DNAH11: variants seen among roughly 807,000 people sequenced by gnomAD.
The protein encoded by DNAH11 is dynein axonemal heavy chain 11.
A neutral mutation model predicts 526.0 loss-of-function variants in DNAH11; 442 were observed. That is an observed-to-expected ratio of 0.84 (90% CI 0.78 to 0.91). The LOEUF (loss-of-function observed/expected upper bound fraction) is 0.91, where lower values mean the gene tolerates loss of function less well. Ranked by LOEUF, DNAH11 falls within the 40% of genes least tolerant of loss-of-function variation. The probability of loss-of-function intolerance (pLI) is 0.00; values close to 1 mark genes in which losing one functional copy is unlikely to be tolerated. For missense variants in DNAH11, 6,989 were observed against 5,448.7 expected, an observed-to-expected ratio of 1.28 and a Z score of -8.90; for synonymous variants, 2,461 against 1,935.9, an observed-to-expected ratio of 1.27 and a Z score of -7.12.
intron 65 of DNAH11, among the ~76,000 whole-genome samples, chr7:21,820,084 GT>G (rs1790184538): frequency 6.6e-6 from 1 of 152,282 alleles, no homozygotes; most frequent in Admixed American, 6.5e-5. Context: ...ATCATCAGCT[GT>G]TCCTCCTTCC....
rs1194973021 is a variant in DNAH11, at chr7:21,852,113, A to G, written c.10897-354A>G. On this transcript the variant is annotated intron_variant, in intron 66 of 81. Transcript: ENST00000409508. ...TGATTAAGGAAACTCTGGTTTAAAA[A>G]CATTTACTTGTCCAGGCGCAGTGGC... is the stretch of plus-strand genomic sequence containing the variant. Among the ~76,000 whole-genome samples the G allele has an allele frequency of 2.6e-5, 4 of 152,270 alleles. 1 individual carries two copies. The highest frequency in any genetic ancestry group is 9.6e-5 in the African/African-American group (4 of 41,548).
chr7:21,875,877 C>CTTT (rs35349937), intron 74 of DNAH11, among the ~76,000 whole-genome samples: 1,059 of 78,938 alleles, frequency 0.013, 69 homozygotes, highest in African/African-American at 0.037. Context: ...AAGAATATTT[C>CTTT]TTTTTTTTTT....
intron 20 of DNAH11, among the ~76,000 whole-genome samples, chr7:21,609,798 T>C (rs762957003): frequency 5.3e-5 from 8 of 151,996 alleles, no homozygotes; most frequent in Non-Finnish European, 7.4e-5. Flanking sequence ...AATGGAAATA[T>C]CAGAAGTCTA....
At chr7:21,818,192 A>G (rs1241070247) in intron 64 of DNAH11, 25 bp from the exon 65 acceptor site, 3 of 1,595,700 alleles carry the variant, frequency 1.9e-6, no homozygotes, top group Non-Finnish European at 2.6e-6. Context: ...ACATTTTATT[A>G]TCTCAAATCC....
intron 36 of DNAH11, among the ~76,000 whole-genome samples, chr7:21,700,498 T>C (rs1562497000): frequency 6.6e-6 from 1 of 152,206 alleles, no homozygotes; most frequent in East Asian, 1.9e-4. Flanking sequence ...CCAAAATTTC[T>C]TCTGCATCCA....
At position 21,852,473 on chromosome 7, in the gene DNAH11, T is replaced by C; in HGVS notation, c.10903T>C (p.Leu3635=). 3 of 1,613,308 alleles carry C rather than the reference T, an allele frequency of 1.9e-6. No homozygotes were observed. Among genetic ancestry groups the C allele is most frequent in the Non-Finnish European group, 1.7e-6 (2 of 1,179,598 alleles). Residue 3635 remains leucine (L), a synonymous_variant, in exon 67 of 82, where the codon TTG becomes CTG. Transcript: ENST00000409508. ...TTTTCTTGGTTTTTATTAGTTGGTA[T>C]TGACAAAGCACCAAAATGATTTTAA... is the stretch of plus-strand genomic sequence containing the variant. ...RPDLEKLKLV[L]TKHQNDFKIE... is the part of the protein sequence containing the mutation.
intron 55 of DNAH11, among the ~76,000 whole-genome samples, chr7:21,768,854 G>C (rs541721491): frequency 6.6e-6 from 1 of 152,266 alleles, no homozygotes; most frequent in South Asian, 2.1e-4. Flanking sequence ...ACAACATTTT[G>C]TCAGTGATAG....
intron 65 of DNAH11, among the ~76,000 whole-genome samples, chr7:21,819,943 A>G (rs1161306285): frequency 1.3e-5 from 2 of 152,212 alleles, no homozygotes; most frequent in African/African-American, 2.4e-5. Flanking sequence ...TTTAAGGCCA[A>G]GAAGATTAAA....
intron 37 of DNAH11, chr7:21,703,843 A>G (rs763290952): frequency 2.0e-5 from 3 of 152,072 alleles, no homozygotes; most frequent in African/African-American, 4.8e-5. Context: ...TTCTTTGCCA[A>G]TATTTCTCTC....
intron 51 of DNAH11, among the ~76,000 whole-genome samples, chr7:21,748,312 C>T (rs1786244111): frequency 6.6e-6 from 1 of 152,044 alleles, no homozygotes; most frequent in Admixed American, 6.6e-5. Context: ...AGTGAAACCC[C>T]GTCTCTACTA....
Position 21,543,110 on chromosome 7 carries a change from T to G in DNAH11, c.-136T>G, listed in dbSNP as rs72655965. On this transcript the variant is annotated 5_prime_UTR_variant, in exon 1 of 82. Coordinates refer to ENST00000409508, the MANE Select transcript of DNAH11 (RefSeq NM_001277115.2). ...GGCGCGGCTGCTAAGTAGCAGCAGG[T>G]GGGAGACTAGGGTCTGCGCTCGCGG... 6,171 of 1,419,970 alleles carry G rather than the reference T, an allele frequency of 4.3e-3. 183 individuals carry two copies. In the African/African-American group the frequency reaches 0.072, roughly 17 times the overall value. 88.0% of individuals were successfully genotyped at this position (1,419,970 alleles called of 1,614,324 possible).
At position 21,558,873 on chromosome 7, in the gene DNAH11, A is replaced by C. The variant is rs747979902; in HGVS notation, c.567A>C (p.Glu189Asp). The change falls in exon 3 of 82, where the codon GAA becomes GAC. Residue 189 changes from glutamate (E) to aspartate (D), a missense_variant. Transcript: ENST00000409508. ...SWSCFTSQDMEYHIEVMKKKM... is the reference protein window; with the variant it reads ...SWSCFTSQDMDYHIEVMKKKM... ...CCTGTTTTACTTCACAAGATATGGA[A>C]TATCACATAGAAGTCATGAAAAAGA... 2 of 1,609,460 alleles carry C rather than the reference A, an allele frequency of 1.2e-6. No homozygotes were observed. Among genetic ancestry groups the C allele is most frequent in the African/African-American group, 1.3e-5 (1 of 74,888 alleles).
At chr7:21,604,909 G>T (rs1785225269) in intron 18 of DNAH11, among the ~76,000 whole-genome samples, 4 of 152,142 alleles carry the variant, frequency 2.6e-5, no homozygotes. Context: ...TTGATGAGAA[G>T]CCACGAGAGG....
chr7:21,572,064 C>T (rs1320151753), intron 8 of DNAH11, 91 bp downstream of exon 8: 6 of 1,128,608 alleles, frequency 5.3e-6, no homozygotes, highest in Non-Finnish European at 7.0e-6. Context: ...TAGGGACCAT[C>T]CATTCCAATA....
At chr7:21,867,589 G>C (rs1388395843) in intron 71 of DNAH11, among the ~76,000 whole-genome samples, 1 of 152,154 alleles carries the variant, frequency 6.6e-6, no homozygotes, top group Non-Finnish European at 1.5e-5. Flanking sequence ...AGCCATAGCA[G>C]ACAGCTGATG....
At chr7:21,799,017 A>G (rs1005668964) in intron 61 of DNAH11, among the ~76,000 whole-genome samples, 2 of 152,210 alleles carry the variant, frequency 1.3e-5, no homozygotes, top group African/African-American at 2.4e-5. Context: ...TTCTGAATGT[A>G]ACAGAGTTTT....
At position 21,836,523 on chromosome 7, in the gene DNAH11, G is replaced by A. The variant is rs187690624; in HGVS notation, c.10692-6021G>A. Among the ~76,000 whole-genome samples, 61 of 152,160 alleles carry A rather than the reference G, an allele frequency of 4.0e-4. 2 individuals carry two copies. The highest frequency in any genetic ancestry group is 1.4e-3 in the African/African-American group (57 of 41,532). ...AACAATCTCTTCAATAAATGGTGCT[G>A]GAAAAATGATAACCACATGCAGAAA... On this transcript the variant is annotated intron_variant, in intron 65 of 81. Coordinates refer to ENST00000409508, the MANE Select transcript of DNAH11 (RefSeq NM_001277115.2).
At chr7:21,851,613 C>T (rs570238360) in intron 66 of DNAH11, 83 of 471,212 alleles carry the variant, frequency 1.8e-4, no homozygotes, top group African/African-American at 1.5e-3. Flanking sequence ...CTGACCTTCA[C>T]TGTAAGAACC....
intron 58 of DNAH11, among the ~76,000 whole-genome samples, chr7:21,784,854 A>G (rs549784008): frequency 3.3e-5 from 5 of 152,094 alleles, no homozygotes; most frequent in Admixed American, 6.6e-5. Flanking sequence ...CCCAAATCCA[A>G]TTTTTCATAT....
Sources: allele counts gnomAD v4.1 joint callset (sites outside exome capture counted in the v4.1 genomes callset), GRCh38; gene constraint gnomAD v4.1.1; transcripts MANE v1.5; gene names NCBI Gene and HGNC (gene_info 2026-07-23, HGNC 2026-07-21).